Variants in ZNF440 observed in about 807,000 individuals in gnomAD.
ZNF440 encodes zinc finger protein 440.
A neutral mutation model predicts 49.7 loss-of-function variants in ZNF440; 47 were observed. The observed-to-expected ratio is 0.95, with a 90% confidence interval of 0.75 to 1.21. ZNF440 has a LOEUF of 1.21. Ranked by LOEUF, ZNF440 falls within the 50% of genes most tolerant of loss-of-function variation. The probability of loss-of-function intolerance (pLI) is 0.00; values close to 1 mark genes in which losing one functional copy is unlikely to be tolerated. For synonymous variants in ZNF440, 255 were observed against 237.7 expected, an observed-to-expected ratio of 1.07 and a Z score of -0.67; for missense variants, 703 against 715.0, an observed-to-expected ratio of 0.98 and a Z score of 0.19.
At position 11,831,699 on chromosome 19, in the gene ZNF440, A is replaced by T. The variant is rs1365959508; in HGVS notation, c.523A>T (p.Lys175Ter). ...CACTGGAGAGAAACCCAATGCTTGT[A>T]AAGTATGTGGAAAAACCTTTATTTC... ...DHTGEKPNAC[K>*]VCGKTFISHS... The change falls in exon 4 of 4, where the codon AAA (lysine) becomes TAA (stop). Residue 175 changes from lysine to a stop codon, truncating the protein, a stop_gained. Coordinates refer to ENST00000304060, the MANE Select transcript of ZNF440 (RefSeq NM_152357.3). LOFTEE classifies it high-confidence loss of function. 1.2e-6 allele frequency: 2 copies of T among 1,614,164 alleles called. No individual in the cohort carries two copies. The highest frequency in any genetic ancestry group is 1.1e-5 in the South Asian group (1 of 91,086).
At chr19:11,814,476 G>A in intron 1 of ZNF440, 26 bp downstream of exon 1, 1 of 1,515,140 alleles carries the variant, frequency 6.6e-7, no homozygotes, top group Non-Finnish European at 8.8e-7. Flanking sequence ...CTGGCGTCCG[G>A]GCGACTGGGA....
At chr19:11,826,766 C>T (rs1975872417) in intron 1 of ZNF440, among the ~76,000 whole-genome samples, 1 of 149,906 alleles carries the variant, frequency 6.7e-6, no homozygotes, top group South Asian at 2.1e-4. Flanking sequence ...CGGGTTTAAG[C>T]GATTCTCCTG....
Position 11,832,652 on chromosome 19 carries a change from A to C in ZNF440, c.1476A>C (p.Ser492=), listed in dbSNP as rs756303817. ...AACTCTATGAATGCAAGCAACGTTC[A>C]GTAGTTCCTTCAGTAGTTCCAGTTC... ...GEKLYECKQR[S]VVPSVVPVPF... is the part of the protein sequence containing the mutation. Residue 492 remains serine, a synonymous_variant, in exon 4 of 4, where the codon TCA becomes TCC. Coordinates refer to ENST00000304060, the MANE Select transcript of ZNF440 (RefSeq NM_152357.3). 2.5e-6 allele frequency: 4 copies of C among 1,613,512 alleles called. No homozygotes were observed. Among genetic ancestry groups the C allele is most frequent in the Non-Finnish European group, 3.4e-6 (4 of 1,179,812 alleles).
At position 11,832,734 on chromosome 19, in the gene ZNF440, G is replaced by A. The variant is rs1190834736; in HGVS notation, c.1558G>A (p.Val520Met). Residue 520 changes from valine (V) to methionine (M), a missense_variant, in exon 4 of 4, where the codon GTG (valine) becomes ATG (methionine). By Grantham distance (21) the Val-to-Met change is conservative. Transcript: ENST00000304060. ...LERSPINASN[V>M]GKPSELCQSF... ...GAGAAGCCCTATAAATGCGAGCAAT[G>A]TGGGAAAGCCTTCAGAGCTGTGTCA... is the stretch of plus-strand genomic sequence containing the variant. 1.9e-6 allele frequency: 3 copies of A among 1,613,448 alleles called. No homozygotes were observed. The highest frequency in any genetic ancestry group is 2.2e-5 in the East Asian group (1 of 44,782).
intron 1 of ZNF440, among the ~76,000 whole-genome samples, chr19:11,824,053 T>C (rs1038426838): frequency 2.6e-5 from 4 of 151,822 alleles, no homozygotes; most frequent in Middle Eastern, 3.4e-3. Flanking sequence ...CATTGTGATG[T>C]GTGCCTGTCG....
Position 11,833,626 on chromosome 19 carries a change from A to G in ZNF440, c.*662A>G, listed in dbSNP as rs1975982210. Reference sequence around the variant, plus strand: ...ATTTCTTCCACTTCTTTTCAATATCATGAAAGGACTCACATGGGAGAGAAA... The same window carrying G: ...ATTTCTTCCACTTCTTTTCAATATCGTGAAAGGACTCACATGGGAGAGAAA... On this transcript the variant is annotated 3_prime_UTR_variant, in exon 4 of 4. Transcript: ENST00000304060. 2.8e-6 allele frequency: 1 copy of G among 359,766 alleles called. No individual in the cohort carries two copies. Among genetic ancestry groups the G allele is most frequent in the African/African-American group, 2.2e-5 (1 of 45,726 alleles). 22.3% of individuals were successfully genotyped at this position (359,766 alleles called of 1,614,324 possible).
intron 3 of ZNF440, among the ~76,000 whole-genome samples, chr19:11,830,936 A>G (rs934980166): frequency 1.1e-4 from 16 of 152,234 alleles, no homozygotes; most frequent in African/African-American, 3.1e-4. Flanking sequence ...TAACGAGACC[A>G]CATATCAACA....
chr19:11,825,167 T>A (rs528070656), intron 1 of ZNF440, among the ~76,000 whole-genome samples: 4 of 151,466 alleles, frequency 2.6e-5, no homozygotes, highest in East Asian at 1.9e-4. Context: ...ATAAAAAAAA[T>A]AAAAAATAAT....
At chr19:11,830,885 G>A (rs1975928583) in intron 3 of ZNF440, among the ~76,000 whole-genome samples, 1 of 152,152 alleles carries the variant, frequency 6.6e-6, no homozygotes, top group Non-Finnish European at 1.5e-5. Flanking sequence ...GAGATAGGAG[G>A]ATAGCTTGAG....
Position 11,835,182 on chromosome 19 carries a change from A to C in ZNF440, c.*2218A>C, listed in dbSNP as rs888863257. The C allele has an allele frequency of 5.3e-5, 8 of 152,124 alleles. No homozygotes were observed. Among genetic ancestry groups the C allele is most frequent in the African/African-American group, 1.7e-4 (7 of 41,410 alleles). The allele number at this position is 152,124 out of a possible 1,614,324, so 9.4% of individuals were successfully genotyped here. The stretch of plus-strand genomic sequence containing the variant: ...AAATGGAGACCATCCTGGCCAACAC[A>C]GTGAAACCCAGTCTCTACTAAAAAA... On this transcript the variant is annotated 3_prime_UTR_variant, in exon 4 of 4. Coordinates refer to ENST00000304060, the MANE Select transcript of ZNF440 (RefSeq NM_152357.3).
rs1234297715 is a variant in ZNF440 at position 11,832,307 on chromosome 19, C to T, written c.1131C>T (p.Phe377=). ...AATGTAAGCAGTGTGGTAAAGCCTT[C>T]CCTCATTCCAGTTCCCTTCGATATC... ...PYKCKQCGKA[F]PHSSSLRYHE... is the part of the protein sequence containing the mutation. The change falls in exon 4 of 4, where the codon TTC becomes TTT. Residue 377 remains phenylalanine (F), a synonymous_variant. Coordinates refer to ENST00000304060, the MANE Select transcript of ZNF440 (RefSeq NM_152357.3). 2 of 1,613,960 alleles carry T rather than the reference C, an allele frequency of 1.2e-6. No individual in the cohort carries two copies. Among genetic ancestry groups the T allele is most frequent in the African/African-American group, 2.7e-5 (2 of 74,884 alleles).
intron 1 of ZNF440, among the ~76,000 whole-genome samples, chr19:11,819,705 T>C (rs1317518641): frequency 6.6e-6 from 1 of 152,226 alleles, no homozygotes; most frequent in Non-Finnish European, 1.5e-5. Context: ...TGGCCTGACT[T>C]ACTTGTTCAC....
At position 11,832,952 on chromosome 19, in the gene ZNF440, C is replaced by G; in HGVS notation, c.1776C>G (p.His592Gln). 2 of 1,608,834 alleles carry G rather than the reference C, an allele frequency of 1.2e-6. No homozygotes were observed. Among genetic ancestry groups the G allele is most frequent in the Non-Finnish European group, 1.7e-6 (2 of 1,178,678 alleles). ...LPRTFEFMKG[H>Q]KHT The stretch of plus-strand genomic sequence containing the variant: ...GAACCTTCGAATTCATGAAAGGACA[C>G]AAACACACATAATGCACTCTGTAGA... Residue 592 changes from histidine (H) to glutamine (Q), a missense_variant, in exon 4 of 4, where the codon CAC becomes CAG. By Grantham distance (24) the His-to-Gln change is conservative (BLOSUM62 0). Coordinates refer to ENST00000304060, the MANE Select transcript of ZNF440 (RefSeq NM_152357.3).
Position 11,833,435 on chromosome 19 carries a change from A to C in ZNF440, c.*471A>C. On this transcript the variant is annotated 3_prime_UTR_variant, in exon 4 of 4. Coordinates refer to ENST00000304060, the MANE Select transcript of ZNF440 (RefSeq NM_152357.3). The stretch of plus-strand genomic sequence containing the variant: ...ATGTAAAGAATGCAGAAAAGCATTC[A>C]GCTTGCCTACTTCCTTTCATAGACA... 2.6e-6 allele frequency: 1 copy of C among 386,546 alleles called. No individual in the cohort carries two copies. 23.9% of individuals were successfully genotyped at this position (386,546 alleles called of 1,614,324 possible).
chr19:11,819,451 C>T (rs769045881), intron 1 of ZNF440, among the ~76,000 whole-genome samples: 20 of 152,042 alleles, frequency 1.3e-4, no homozygotes, highest in African/African-American at 2.9e-4. Flanking sequence ...CAGGCTGGAG[C>T]GCGGTGGCAC....
rs376743083 is a variant in ZNF440, at chr19:11,832,205, G to T, written c.1029G>T (p.Lys343Asn). 248 of 1,614,054 alleles carry T rather than the reference G, an allele frequency of 1.5e-4. No individual in the cohort carries two copies. Among genetic ancestry groups the T allele is most frequent in the Non-Finnish European group, 2.1e-4 (245 of 1,180,032 alleles). The change falls in exon 4 of 4, where the codon AAG becomes AAT. Residue 343 changes from lysine (K) to asparagine (N), a missense_variant. Coordinates refer to ENST00000304060, the MANE Select transcript of ZNF440 (RefSeq NM_152357.3). ...CTGGAGAAAGACCTTATGAATGTAA[G>T]ATATGTGGAAAAGACTTTTGTTCTG... ...LHSGERPYEC[K>N]ICGKDFCSVN...
chr19:11,825,990 T>C (rs568014373), intron 1 of ZNF440, among the ~76,000 whole-genome samples: 1 of 152,066 alleles, frequency 6.6e-6, no homozygotes, highest in South Asian at 2.1e-4. Context: ...TGATTTTGTA[T>C]TTTTAGTAGA....
At chr19:11,830,201 T>G in intron 1 of ZNF440, 82 bp from the exon 2 acceptor site, 1 of 1,585,706 alleles carries the variant, frequency 6.3e-7, no homozygotes. Flanking sequence ...CACGGCATCC[T>G]GAGAACTTCT....
chr19:11,824,719 T>TTC (rs1236319427), intron 1 of ZNF440, among the ~76,000 whole-genome samples: 2 of 149,964 alleles, frequency 1.3e-5, no homozygotes, highest in Non-Finnish European at 3.0e-5. Flanking sequence ...TTTTTTTTTT[T>TTC]TTTTTTGAGA....
Sources: gnomAD v4.1 joint callset for allele counts (sites outside exome capture counted in the v4.1 genomes callset) on GRCh38, gnomAD v4.1.1 for gene constraint, MANE v1.5 for transcripts, NCBI Gene and HGNC (gene_info 2026-07-23, HGNC 2026-07-21) for gene names.